Variants in STXBP5L observed in about 807,000 individuals in gnomAD.
STXBP5L encodes the protein syntaxin binding protein 5L.
A neutral mutation model predicts 144.5 loss-of-function variants in STXBP5L; 65 were observed. That is an observed-to-expected ratio of 0.45 (90% CI 0.37 to 0.55). The LOEUF (loss-of-function observed/expected upper bound fraction) is 0.55. STXBP5L is among the 20% of genes least tolerant of loss of function. The pLI is 0.00. For synonymous variants in STXBP5L, 505 were observed against 469.6 expected (o/e 1.08, Z -0.97); for missense variants, 1,298 against 1,405.5 (o/e 0.92, Z 1.22).
intron 9 of STXBP5L, among the ~76,000 whole-genome samples, chr3:121,196,638 G>A (rs1444918564): frequency 1.3e-5 from 2 of 151,680 alleles, no homozygotes; most frequent in African/African-American, 4.8e-5. Flanking sequence ...GAATGGTGAG[G>A]ATATTGATTT....
At chr3:121,185,391 G>C (rs2047335170) in intron 9 of STXBP5L, among the ~76,000 whole-genome samples, 1 of 152,146 alleles carries the variant, frequency 6.6e-6, no homozygotes, top group South Asian at 2.1e-4. Flanking sequence ...GTCCTGAATG[G>C]TATTGCCTAG....
At chr3:121,330,062 G>T (rs1248551270) in intron 20 of STXBP5L, among the ~76,000 whole-genome samples, 1 of 152,280 alleles carries the variant, frequency 6.6e-6, no homozygotes, top group East Asian at 1.9e-4. Context: ...TAAATGGAAT[G>T]TTCATCAGGG....
chr3:121,203,372 T>C (rs1451250184), intron 9 of STXBP5L, among the ~76,000 whole-genome samples: 1 of 152,186 alleles, frequency 6.6e-6, no homozygotes, highest in Non-Finnish European at 1.5e-5. Context: ...AATCTCAACC[T>C]CTACAGCACT....
Position 121,239,035 on chromosome 3 carries a change from T to C in STXBP5L, c.1249T>C (p.Tyr417His). The change falls in exon 13 of 27, where the codon TAC becomes CAC. Residue 417 changes from tyrosine (Y) to histidine (H), a missense_variant. Physicochemically the swap from Tyr to His is moderately conservative, Grantham distance 83. Coordinates refer to ENST00000471454, the MANE Select transcript of STXBP5L (RefSeq NM_001308330.2). The stretch of plus-strand genomic sequence containing the variant: ...TGAATCACCAGTTACATGCACAGCA[T>C]ACTTTGCAGATTGTCCTCCGGATTT... ...IHESPVTCTA[Y>H]FADCPPDLIL... 6.2e-7 allele frequency: 1 copy of C among 1,610,244 alleles called. No individual in the cohort carries two copies. Among genetic ancestry groups the C allele is most frequent in the Admixed American group, 1.7e-5 (1 of 59,466 alleles).
At chr3:121,108,129 T>G (rs1330091299) in intron 5 of STXBP5L, among the ~76,000 whole-genome samples, 3 of 152,204 alleles carry the variant, frequency 2.0e-5, no homozygotes, top group African/African-American at 7.2e-5. Context: ...CGATAGGATT[T>G]TCTATATGTA....
intron 2 of STXBP5L, among the ~76,000 whole-genome samples, chr3:120,931,986 A>G (rs1005836361): frequency 6.6e-6 from 1 of 152,198 alleles, no homozygotes; most frequent in Non-Finnish European, 1.5e-5. Flanking sequence ...ACACAAACCT[A>G]TATGGCATAG....
chr3:121,353,770 A>G (rs2045395547), intron 20 of STXBP5L, among the ~76,000 whole-genome samples: 1 of 151,738 alleles, frequency 6.6e-6, no homozygotes, highest in Non-Finnish European at 1.5e-5. Context: ...TTTAATTGTG[A>G]TGTTAGGGTG....
chr3:121,327,792 C>T (rs774204755), intron 20 of STXBP5L, among the ~76,000 whole-genome samples: 6 of 152,072 alleles, frequency 3.9e-5, no homozygotes, highest in Non-Finnish European at 4.4e-5. Flanking sequence ...ACAAAAATTT[C>T]CTGACAATTT....
At chr3:121,101,147 C>G (rs2107780358) in intron 5 of STXBP5L, among the ~76,000 whole-genome samples, 1 of 152,142 alleles carries the variant, frequency 6.6e-6, no homozygotes, top group South Asian at 2.1e-4. Flanking sequence ...GAGTCACAGT[C>G]AAATTCCACC....
At chr3:121,343,874 T>C (rs1361266750) in intron 20 of STXBP5L, among the ~76,000 whole-genome samples, 2 of 152,116 alleles carry the variant, frequency 1.3e-5, no homozygotes, top group African/African-American at 2.4e-5. Context: ...CCAATGACTT[T>C]CTTCACAAAA....
Position 121,259,043 on chromosome 3 carries a change from T to G in STXBP5L, c.1833T>G (p.Asn611Lys), listed in dbSNP as rs760168906. 5 of 1,593,070 alleles carry G rather than the reference T, an allele frequency of 3.1e-6. No individual in the cohort carries two copies. In the Admixed American group the frequency reaches 5.1e-5, roughly 16 times the overall value. ...GVTKDSIPCL[N>K]VKTRPVRMPP... ...AATAGGATTGTTTTTGTTCTTAAAG[T>G]GTGAAGACACGGCCAGTGCGAATGC... is the stretch of plus-strand genomic sequence containing the variant. Residue 611 changes from asparagine to lysine, a missense_variant and splice_region_variant, in exon 18 of 27, where the codon AAT (asparagine) becomes AAG (lysine). Coordinates refer to ENST00000471454, the MANE Select transcript of STXBP5L (RefSeq NM_001308330.2).
At chr3:121,091,781 T>C (rs1490800527) in intron 5 of STXBP5L, among the ~76,000 whole-genome samples, 1 of 152,198 alleles carries the variant, frequency 6.6e-6, no homozygotes, top group Non-Finnish European at 1.5e-5. Flanking sequence ...TTAGTTTAAT[T>C]AGATCCCATT....
At chr3:121,316,637 G>T (rs2043798563) in intron 19 of STXBP5L, among the ~76,000 whole-genome samples, 1 of 152,108 alleles carries the variant, frequency 6.6e-6, no homozygotes, top group Non-Finnish European at 1.5e-5. Flanking sequence ...ATTTAGCGGA[G>T]GATTAGGTAC....
In STXBP5L at chr3:121,334,715, T is replaced by A. The variant is rs538326240; in HGVS notation, c.2176+16175T>A. On this transcript the variant is annotated intron_variant, in intron 20 of 26. Transcript: ENST00000471454. ...GCAAATCAATAAATGTGATTCATCA[T>A]AAACAGAACTAAAGATAGAAACCAC... Among the ~76,000 whole-genome samples the A allele has an allele frequency of 4.6e-4, 70 of 152,192 alleles. 1 individual carries two copies. The highest frequency in any genetic ancestry group is 7.3e-4 in the Non-Finnish European group (50 of 68,034).
intron 20 of STXBP5L, among the ~76,000 whole-genome samples, chr3:121,352,281 G>C (rs1470055474): frequency 6.6e-6 from 1 of 152,102 alleles, no homozygotes; most frequent in Non-Finnish European, 1.5e-5. Context: ...GGGCAGTATG[G>C]CCATTTTCAC....
intron 19 of STXBP5L, among the ~76,000 whole-genome samples, chr3:121,282,081 G>T (rs570345272): frequency 6.6e-6 from 1 of 150,534 alleles, no homozygotes. Context: ...TTCATCTATC[G>T]CCTCTTACTT....
At chr3:121,065,850 T>A (rs1052662745) in intron 5 of STXBP5L, among the ~76,000 whole-genome samples, 6 of 152,230 alleles carry the variant, frequency 3.9e-5, no homozygotes, top group Non-Finnish European at 7.3e-5. Context: ...GCTCATTTTG[T>A]TGTTGGTAGC....
At chr3:121,304,975 C>G (rs973957826) in intron 19 of STXBP5L, among the ~76,000 whole-genome samples, 1 of 150,938 alleles carries the variant, frequency 6.6e-6, no homozygotes, top group African/African-American at 2.4e-5. Flanking sequence ...ATAATTAATA[C>G]CAGGAGTGAA....
intron 8 of STXBP5L, among the ~76,000 whole-genome samples, chr3:121,157,120 A>T (rs1466345250): frequency 6.6e-6 from 1 of 152,138 alleles, no homozygotes; most frequent in Non-Finnish European, 1.5e-5. Flanking sequence ...TTTCGTAGTT[A>T]GACCTTGGTT....
Sources: gnomAD v4.1 joint callset for allele counts (sites outside exome capture counted in the v4.1 genomes callset) on GRCh38, gnomAD v4.1.1 for gene constraint, MANE v1.5 for transcripts, NCBI Gene and HGNC (gene_info 2026-07-23, HGNC 2026-07-21) for gene names.